Variants in PIK3C2A observed in about 807,000 individuals in gnomAD.
PIK3C2A encodes the protein phosphatidylinositol 4-phosphate 3-kinase C2 domain-containing subunit alpha.
A neutral mutation model predicts 204.5 loss-of-function variants in PIK3C2A; 97 were observed. The ratio of observed to expected loss-of-function variants is 0.47; its 90% confidence interval spans 0.40 to 0.56. The LOEUF is 0.56. PIK3C2A is among the 20% of genes least tolerant of loss of function. The probability of loss-of-function intolerance (pLI) is 0.00; values close to 1 mark genes in which losing one functional copy is unlikely to be tolerated. For synonymous variants in PIK3C2A, 653 were observed against 664.4 expected, an observed-to-expected ratio of 0.98 and a Z score of 0.26; for missense variants, 1,735 against 1,969.2, an observed-to-expected ratio of 0.88 and a Z score of 2.25.
chr11:17,175,794 C>T (rs1851315593), intron 1 of PIK3C2A, among the ~76,000 whole-genome samples: 1 of 152,174 alleles, frequency 6.6e-6, no homozygotes, highest in Non-Finnish European at 1.5e-5. Flanking sequence ...CTGTGTTAGA[C>T]AGTCATTTAC....
Position 17,168,951 on chromosome 11 carries a change from T to A in PIK3C2A, c.791A>T (p.Asp264Val). 6.2e-7 allele frequency: 1 copy of A among 1,614,150 alleles called. No homozygotes were observed. The highest frequency in any genetic ancestry group is 8.5e-7 in the Non-Finnish European group (1 of 1,180,024). ...GTCTAACCAGTCAAATTTACTGATATCCTCAGACTTTGGAGATACCTGTAG... is the reference window on the plus strand; with the variant it reads ...GTCTAACCAGTCAAATTTACTGATAACCTCAGACTTTGGAGATACCTGTAG... ...SNLQVSPKSEDISKFDWLDLD... is the reference protein window; with the variant it reads ...SNLQVSPKSEVISKFDWLDLD... The change falls in exon 2 of 33, where the codon GAT becomes GTT. Residue 264 changes from aspartate to valine, a missense_variant. Asp to Val is a radical substitution (Grantham distance 152). This residue lies in a region of PIK3C2A where 536 missense variants were observed against 546.7 expected (regional missense o/e 0.98). Coordinates refer to ENST00000691414, the MANE Select transcript of PIK3C2A (RefSeq NM_002645.4).
intron 8 of PIK3C2A, among the ~76,000 whole-genome samples, chr11:17,140,005 T>C (rs1191838788): frequency 1.3e-5 from 2 of 152,186 alleles, no homozygotes; most frequent in Non-Finnish European, 2.9e-5. Flanking sequence ...TATAGGATAT[T>C]AAACCAAACC....
chr11:17,110,541 T>C lies in PIK3C2A; in HGVS notation c.3435A>G (p.Gln1145=), dbSNP rs1444371281. The change falls in exon 22 of 33, where the codon CAA becomes CAG. Residue 1145 remains glutamine (Q), a synonymous_variant. Coordinates refer to ENST00000691414, the MANE Select transcript of PIK3C2A (RefSeq NM_002645.4). The part of the protein sequence containing the change: ...VMFKVGEDLR[Q]DMLALQMIKI... ...TTATCATCTGTAAAGCTAACATATC[T>C]TGCCGAAGATCTTCACCAACCTTGA... 1 of 1,609,936 alleles carries C rather than the reference T, an allele frequency of 6.2e-7. No homozygotes were observed. Among genetic ancestry groups the C allele is most frequent in the Non-Finnish European group, 8.5e-7 (1 of 1,178,298 alleles).
intron 1 of PIK3C2A, among the ~76,000 whole-genome samples, chr11:17,178,883 C>T (rs937067040): frequency 1.2e-4 from 18 of 151,372 alleles, no homozygotes; most frequent in African/African-American, 4.4e-4. Flanking sequence ...GCGCCCGCCA[C>T]CGCGCCCGGC....
intron 1 of PIK3C2A, among the ~76,000 whole-genome samples, chr11:17,191,893 G>A (rs991200740): frequency 2.0e-5 from 3 of 151,968 alleles, no homozygotes; most frequent in African/African-American, 4.8e-5. Context: ...AACACTTTGG[G>A]ACGTCAAGGT....
rs374712308 is a variant in PIK3C2A, at chr11:17,179,225, G to C, written c.-65-9419C>G. 1.3e-3 allele frequency among the ~76,000 whole-genome samples: 204 copies of C among 152,210 alleles called. 1 individual carries two copies. The highest frequency in any genetic ancestry group is 4.7e-3 in the African/African-American group (194 of 41,540). On this transcript the variant is annotated intron_variant, in intron 1 of 32. Transcript: ENST00000691414. ...TGCGCAGGCTGAAGTGCAGCGGCTC[G>C]ATCATAGCTCACCGTAACCTAGAAC...
Position 17,089,864 on chromosome 11 carries a change from A to G in PIK3C2A, c.4935T>C (p.Ser1645=). ...CCCGCAGAGATTCTGCACTGAGTAC[A>G]CTTAGTTGAAGTTCTCGCTGTCTTA... ...ETLRQRELQL[S]VLSAESLREN... The change falls in exon 33 of 33, where the codon AGT becomes AGC. Residue 1645 remains serine, a synonymous_variant. Coordinates refer to ENST00000691414, the MANE Select transcript of PIK3C2A (RefSeq NM_002645.4). The G allele has an allele frequency of 6.2e-7, 1 of 1,613,440 alleles. No individual in the cohort carries two copies. Among genetic ancestry groups the G allele is most frequent in the Non-Finnish European group, 8.5e-7 (1 of 1,179,500 alleles).
At chr11:17,165,847 A>G (rs1413768338) in intron 2 of PIK3C2A, among the ~76,000 whole-genome samples, 1 of 149,372 alleles carries the variant, frequency 6.7e-6, no homozygotes, top group Non-Finnish European at 1.5e-5. Context: ...GAATGTCAGA[A>G]CTTTGCTGCT....
intron 6 of PIK3C2A, among the ~76,000 whole-genome samples, chr11:17,146,658 T>C (rs189307650): frequency 1.3e-5 from 2 of 151,758 alleles, no homozygotes; most frequent in East Asian, 3.9e-4. Flanking sequence ...GTGGCAGAGG[T>C]TGCAGTGAGC....
At chr11:17,112,193 T>C (rs1306907855) in intron 21 of PIK3C2A, among the ~76,000 whole-genome samples, 1 of 152,174 alleles carries the variant, frequency 6.6e-6, no homozygotes, top group Non-Finnish European at 1.5e-5. Context: ...GGCTCACACC[T>C]GTAATCCCAG....
At chr11:17,124,424 T>C (rs571916477) in intron 13 of PIK3C2A, among the ~76,000 whole-genome samples, 2 of 152,038 alleles carry the variant, frequency 1.3e-5, no homozygotes, top group East Asian at 3.9e-4. Flanking sequence ...TAAAACAAGA[T>C]CCAAGCAAGG....
chr11:17,190,864 T>C (rs989409505), intron 1 of PIK3C2A, among the ~76,000 whole-genome samples: 1 of 152,080 alleles, frequency 6.6e-6, no homozygotes, highest in African/African-American at 2.4e-5. Flanking sequence ...AATGGTCTAA[T>C]ATAATGTGTA....
At chr11:17,157,167 T>C (rs1209411801) in intron 2 of PIK3C2A, among the ~76,000 whole-genome samples, 2 of 152,142 alleles carry the variant, frequency 1.3e-5, no homozygotes, top group South Asian at 2.1e-4. Flanking sequence ...TCAGGACATA[T>C]GCTTCTAGTC....
intron 19 of PIK3C2A, among the ~76,000 whole-genome samples, chr11:17,116,111 C>A (rs1849179898): frequency 6.6e-6 from 1 of 151,904 alleles, no homozygotes; most frequent in South Asian, 2.1e-4. Context: ...ATTAAAAAGA[C>A]AACTGCAGAA....
chr11:17,137,423 C>CTTTTTTTTTTTTTTTTTTTTTTCTTTT, intron 8 of PIK3C2A, among the ~76,000 whole-genome samples: 1 of 125,050 alleles, frequency 8.0e-6, no homozygotes, highest in Non-Finnish European at 1.6e-5. Context: ...ATTACTTTGC[C>CTTTTTTTTTTTTTTTTTTTTTTCTTTT]TTTTTTTTTG....
In PIK3C2A at chr11:17,174,601, A is replaced by AC. The variant is rs1468007046; in HGVS notation, c.-65-4796_-65-4795insG. Among the ~76,000 whole-genome samples the AC allele has an allele frequency of 1.8e-4, 5 of 27,634 alleles. 2 individuals carry two copies. Among genetic ancestry groups the AC allele is most frequent in the Admixed American group, 9.0e-4 (2 of 2,218 alleles). The allele number at this position is 27,634 out of a possible 152,430, so 18.1% of individuals were successfully genotyped here. A position where few individuals can be genotyped will look rare whatever the true frequency, so the allele number is the denominator to read the frequency against. On this transcript the variant is annotated intron_variant, in intron 1 of 32. Coordinates refer to ENST00000691414, the MANE Select transcript of PIK3C2A (RefSeq NM_002645.4). ...AGAGCGAGACTCCGTCTCAAAAAAAAAAAAAAAACAAAACAGCAGCCACGC... is the reference window on the plus strand; with the variant it reads ...AGAGCGAGACTCCGTCTCAAAAAAAACAAAAAAAACAAAACAGCAGCCACGC...
Position 17,112,664 on chromosome 11 carries a change from C to A in PIK3C2A, c.3324G>T (p.Ser1108=). The A allele has an allele frequency of 6.8e-7, 1 of 1,475,170 alleles. No homozygotes were observed. Among genetic ancestry groups the A allele is most frequent in the East Asian group, 2.5e-5 (1 of 40,372 alleles). The allele number at this position is 1,475,170 out of a possible 1,614,324, so 91.4% of individuals were successfully genotyped here. The change falls in exon 21 of 33, where the codon TCG becomes TCT. Residue 1108 remains serine (S), a splice_region_variant and synonymous_variant. Transcript: ENST00000691414. ...CAGCATTAGAACTGAAGAAGGAACA[C>A]GACTGCAAATACAACATGTTAAGCA... The part of the protein sequence containing the change: ...SLVAKELNIK[S]CSFFSSNAVP...
chr11:17,098,900 A>C (rs1326009451), intron 26 of PIK3C2A, among the ~76,000 whole-genome samples: 1 of 152,128 alleles, frequency 6.6e-6, no homozygotes, highest in Non-Finnish European at 1.5e-5. Flanking sequence ...TGTCAAGAAG[A>C]TCTGTTTTTT....
In PIK3C2A at chr11:17,122,080, A is replaced by G. The variant is rs576264388; in HGVS notation, c.2657+108T>C. ...AGTTAAATAGAAAACTTTCCACACC[A>G]AGAAAGCTGATAAATCATGAACAGA... On this transcript the variant is annotated intron_variant, in intron 15 of 32. Coordinates refer to ENST00000691414, the MANE Select transcript of PIK3C2A (RefSeq NM_002645.4). The G allele has an allele frequency of 1.6e-4, 105 of 668,898 alleles. No individual in the cohort carries two copies. The African/African-American group carries it at 1.8e-3, about 12-fold the overall frequency. The allele number at this position is 668,898 out of a possible 1,614,324, so 41.4% of individuals were successfully genotyped here.
Sources: allele counts gnomAD v4.1 joint callset (sites outside exome capture counted in the v4.1 genomes callset), GRCh38; gene constraint gnomAD v4.1.1; regional missense constraint gnomAD v4.1.1; transcripts MANE v1.5; gene names NCBI Gene and HGNC (gene_info 2026-07-23, HGNC 2026-07-21).